CAMTA1: variants seen among roughly 807,000 people sequenced by gnomAD.
The protein encoded by CAMTA1 is calmodulin-binding transcription activator 1.
A neutral mutation model predicts 170.9 loss-of-function variants in CAMTA1; 27 were observed. The ratio of observed to expected loss-of-function variants is 0.16; its 90% CI spans 0.12 to 0.22. CAMTA1 has a LOEUF of 0.22. Ranked by LOEUF, CAMTA1 falls within the 10% of genes least tolerant of loss-of-function variation. The pLI is 1.00. For missense variants in CAMTA1, 1,619 were observed against 2,217.2 expected, an observed-to-expected ratio of 0.73 and a Z score of 5.42; for synonymous variants, 833 against 891.5, an observed-to-expected ratio of 0.93 and a Z score of 1.17.
At chr1:6,949,857 T>C (rs1054296629) in intron 3 of CAMTA1, among the ~76,000 whole-genome samples, 1 of 152,286 alleles carries the variant, frequency 6.6e-6, no homozygotes, top group Non-Finnish European at 1.5e-5. Flanking sequence ...CAGGCCCTTC[T>C]GCGTCATTAT....
In CAMTA1 at chr1:7,738,190, G is replaced by A. The variant is rs754865605; in HGVS notation, c.3890G>A (p.Ser1297Asn). 2 of 1,614,012 alleles carry A rather than the reference G, an allele frequency of 1.2e-6. No homozygotes were observed. The highest frequency in any genetic ancestry group is 1.7e-6 in the Non-Finnish European group (2 of 1,180,022). Reference protein sequence around the residue: ...LSPSEGVRDFSRELSPPTPET... With the variant: ...LSPSEGVRDFNRELSPPTPET... ...CCCAGTGAAGGAGTGAGGGACTTCA[G>A]CCGGGAACTCTCCCCTCCCACTCCA... The change falls in exon 16 of 23, where the codon AGC becomes AAC. Residue 1297 changes from serine to asparagine, a missense_variant. Physicochemically the swap from Ser to Asn is conservative, Grantham distance 46 (BLOSUM62 1). This residue lies in a region of CAMTA1 where 370 missense variants were observed against 429.4 expected (regional missense o/e 0.86). Transcript: ENST00000303635. This position sits in a 1 kb window ranked among gnomAD's most constrained non-coding sequence, Gnocchi z 4.9.
chr1:7,227,164 T>G (rs1020375067), intron 4 of CAMTA1, among the ~76,000 whole-genome samples: 1 of 152,026 alleles, frequency 6.6e-6, no homozygotes, highest in African/African-American at 2.4e-5. Flanking sequence ...TTTTCCACAC[T>G]CTTCCTATCA....
chr1:7,071,786 G>A (rs1008881294), intron 3 of CAMTA1, among the ~76,000 whole-genome samples: 3 of 152,134 alleles, frequency 2.0e-5, no homozygotes, highest in Non-Finnish European at 4.4e-5. Flanking sequence ...GAAATGCCTG[G>A]GACCAATTAA....
At chr1:7,496,417 G>T (rs141897757) in intron 6 of CAMTA1, among the ~76,000 whole-genome samples, 53 of 152,228 alleles carry the variant, frequency 3.5e-4, no homozygotes, top group African/African-American at 1.2e-3. Context: ...GTGGGGAGGG[G>T]CAAGTCCCGT....
chr1:6,818,873 T>C (rs1316865738), intron 1 of CAMTA1, among the ~76,000 whole-genome samples: 1 of 151,862 alleles, frequency 6.6e-6, no homozygotes, highest in Admixed American at 6.6e-5. Context: ...ACTCCTAAGC[T>C]CAAATAATCC....
intron 3 of CAMTA1, among the ~76,000 whole-genome samples, chr1:6,930,858 C>T (rs765999074): frequency 1.3e-5 from 2 of 152,246 alleles, no homozygotes; most frequent in African/African-American, 2.4e-5. Context: ...CTTCACCAGG[C>T]GTGGGAAGGA....
At chr1:7,159,712 T>TA (rs995691408) in intron 4 of CAMTA1, among the ~76,000 whole-genome samples, 8 of 152,020 alleles carry the variant, frequency 5.3e-5, no homozygotes, top group African/African-American at 7.2e-5. Context: ...CCTGGCTAAT[T>TA]AAAAAAAATT....
intron 6 of CAMTA1, among the ~76,000 whole-genome samples, chr1:7,617,583 C>A (rs1252454434): frequency 6.6e-6 from 1 of 152,112 alleles, no homozygotes; most frequent in Non-Finnish European, 1.5e-5. Context: ...AATCTCAGAG[C>A]AGCCCCTTTC....
At chr1:7,712,413 C>T (rs1371434197) in intron 11 of CAMTA1, among the ~76,000 whole-genome samples, 2 of 152,086 alleles carry the variant, frequency 1.3e-5, no homozygotes, top group African/African-American at 2.4e-5. Flanking sequence ...TCCCACTGCC[C>T]AGGCTCAAGT....
intron 5 of CAMTA1, among the ~76,000 whole-genome samples, chr1:7,454,771 T>C (rs1269786673): frequency 2.6e-5 from 4 of 152,062 alleles, no homozygotes; most frequent in Non-Finnish European, 5.9e-5. Context: ...GGTGCAGAGC[T>C]CCCTGGGGAC....
intron 4 of CAMTA1, among the ~76,000 whole-genome samples, chr1:7,106,619 C>T (rs1007932811): frequency 6.6e-6 from 1 of 152,014 alleles, no homozygotes; most frequent in South Asian, 2.1e-4. Context: ...TAACCGCCCC[C>T]GAGTAGTGGA....
chr1:6,999,667 C>T (rs576030960), intron 3 of CAMTA1, among the ~76,000 whole-genome samples: 20 of 152,246 alleles, frequency 1.3e-4, no homozygotes, highest in Admixed American at 8.5e-4. Flanking sequence ...ATACCGTACC[C>T]GGCCGGGTCT....
chr1:7,158,607 A>T (rs2148739712), intron 4 of CAMTA1, among the ~76,000 whole-genome samples: 1 of 152,318 alleles, frequency 6.6e-6, no homozygotes, highest in Non-Finnish European at 1.5e-5. Context: ...ATGCATCAAA[A>T]AATAAAATGG....
chr1:7,527,243 G>A (rs1008674010), intron 6 of CAMTA1, among the ~76,000 whole-genome samples: 10 of 152,308 alleles, frequency 6.6e-5, no homozygotes, highest in South Asian at 2.1e-4. Flanking sequence ...CTAAGGCTCC[G>A]GAAGGTGACC....
chr1:7,663,341 C>T lies in CAMTA1; in HGVS notation c.806-12C>T, dbSNP rs149218380. 193 of 1,519,658 alleles carry T rather than the reference C, an allele frequency of 1.3e-4. 1 individual carries two copies. The African/African-American group carries it at 1.7e-3, about 14-fold the overall frequency. The allele number at this position is 1,519,658 out of a possible 1,614,324, so 94.1% of individuals were successfully genotyped here. ...GCGTGTGCGTGCGCGTGTTGTGTTC[C>T]GATCTCCGCAGGAGCTGGCGGCAGC... On this transcript the variant is annotated splice_polypyrimidine_tract_variant and intron_variant, in intron 8 of 22. Transcript: ENST00000303635.
chr1:7,408,398 A>G (rs2090455280), intron 5 of CAMTA1, among the ~76,000 whole-genome samples: 1 of 152,214 alleles, frequency 6.6e-6, no homozygotes, highest in Admixed American at 6.5e-5. Context: ...CCCAGTCATT[A>G]GGAGCAGCCC....
chr1:6,929,216 G>A (rs1019425020), intron 3 of CAMTA1, among the ~76,000 whole-genome samples: 3 of 152,154 alleles, frequency 2.0e-5, no homozygotes, highest in Non-Finnish European at 1.5e-5. Flanking sequence ...GTCTCGCTGT[G>A]TCACTCAGGC....
At position 7,680,890 on chromosome 1, in the gene CAMTA1, G is replaced by C. The variant is rs1030736310; in HGVS notation, c.2914+3157G>C. Among the ~76,000 whole-genome samples, 4 of 123,598 alleles carry C rather than the reference G, an allele frequency of 3.2e-5. No homozygotes were observed. Among genetic ancestry groups the C allele is most frequent in the Non-Finnish European group, 7.4e-5 (4 of 53,960 alleles). 81.1% of individuals were successfully genotyped at this position (123,598 alleles called of 152,430 possible). On this transcript the variant is annotated intron_variant, in intron 11 of 22. Coordinates refer to ENST00000303635, the MANE Select transcript of CAMTA1 (RefSeq NM_015215.4). This position sits in a 1 kb window ranked among gnomAD's most constrained non-coding sequence, Gnocchi z 4.4. ...CAGCAGCAGCAGCAGCAGCTGCTGCGGCGAAGTCTTTGTCCCCGCGGCGCA... is the reference window on the plus strand; with the variant it reads ...CAGCAGCAGCAGCAGCAGCTGCTGCCGCGAAGTCTTTGTCCCCGCGGCGCA...
intron 5 of CAMTA1, among the ~76,000 whole-genome samples, chr1:7,467,010 G>A (rs1043805634): frequency 6.6e-6 from 1 of 152,018 alleles, no homozygotes; most frequent in South Asian, 2.1e-4. Context: ...CTCTACACAC[G>A]CAGGCAGCAC....
Sources: allele counts gnomAD v4.1 joint callset (sites outside exome capture counted in the v4.1 genomes callset), GRCh38; gene constraint gnomAD v4.1.1; regional missense constraint gnomAD v4.1.1; non-coding constraint Gnocchi (gnomAD v3.1); transcripts MANE v1.5; gene names NCBI Gene and HGNC (gene_info 2026-07-23, HGNC 2026-07-21).